Variants in NOC2L observed in about 807,000 individuals in gnomAD.
NOC2L encodes nucleolar complex protein 2 homolog.
NOC2L carries 101 observed loss-of-function variants against 94.2 expected under a neutral mutation model. The ratio of observed to expected loss-of-function variants is 1.07; its 90% CI spans 0.91 to 1.26. The LOEUF is 1.26. Ranked by LOEUF, NOC2L falls within the 50% of genes most tolerant of loss-of-function variation. NOC2L has a pLI of 0.00. For missense variants in NOC2L, 1,076 were observed against 980.1 expected, an observed-to-expected ratio of 1.10 and a Z score of -1.31; for synonymous variants, 531 against 413.4, an observed-to-expected ratio of 1.28 and a Z score of -3.45.
rs1325918911 is a variant in NOC2L at position 944,541 on chromosome 1, G to A, written c.*153C>T. 2 of 626,234 alleles carry A rather than the reference G, an allele frequency of 3.2e-6. No individual in the cohort carries two copies. The highest frequency in any genetic ancestry group is 5.4e-6 in the Non-Finnish European group (2 of 369,082). The allele number at this position is 626,234 out of a possible 1,614,324, so 38.8% of individuals were successfully genotyped here. A position where few individuals can be genotyped will look rare whatever the true frequency, so the allele number is the denominator to read the frequency against. ...CCCAGCCCAGCTCTCGATACGTTTG[G>A]TCTTTCATGCTGAAAAATAAATAAT... On this transcript the variant is annotated 3_prime_UTR_variant, in exon 19 of 19. Transcript: ENST00000327044.
chr1:958,435 A>C, intron 2 of NOC2L: 3 of 328,050 alleles, frequency 9.1e-6, no homozygotes, highest in Non-Finnish European at 1.8e-5. Flanking sequence ...TTTTTAGTAG[A>C]GACATGATTT....
intron 17 of NOC2L, 179 bp downstream of exon 17, chr1:945,339 T>C: frequency 2.1e-6 from 2 of 967,566 alleles, no homozygotes; most frequent in Non-Finnish European, 3.0e-6. Context: ...CAGTAGGCCT[T>C]CACTTCAAGG....
At chr1:954,658 C>A (rs1642353443) in intron 6 of NOC2L, 1 of 152,390 alleles carries the variant, frequency 6.6e-6, no homozygotes, top group African/African-American at 2.4e-5. Flanking sequence ...CACAGTGAGA[C>A]CCCGTCTCTA....
chr1:951,062 G>C (rs561902054), intron 12 of NOC2L, 65 bp downstream of exon 12: 10 of 1,279,282 alleles, frequency 7.8e-6, no homozygotes, highest in Non-Finnish European at 1.1e-5. Flanking sequence ...ACAGACGCCC[G>C]GAGCAGCAGA....
intron 12 of NOC2L, among the ~76,000 whole-genome samples, chr1:950,632 CAT>C (rs1347183038): frequency 1.6e-4 from 25 of 151,536 alleles, no homozygotes; most frequent in South Asian, 4.2e-4. Flanking sequence ...TGCATACACA[CAT>C]ACAGATGCAC....
At chr1:948,430 C>T (rs1229948270) in intron 13 of NOC2L, 60 bp downstream of exon 13, 1 of 1,324,736 alleles carries the variant, frequency 7.5e-7, no homozygotes, top group East Asian at 2.3e-5. Flanking sequence ...CCATCCACCT[C>T]AGCACCCCCA....
chr1:956,283 G>A (rs1642399784), intron 4 of NOC2L, 68 bp from the exon 5 acceptor site: 3 of 1,590,746 alleles, frequency 1.9e-6, no homozygotes, highest in Admixed American at 3.4e-5. Context: ...GGAAACGGCA[G>A]CCCCAGAGAA....
rs1557623173 is a variant in NOC2L, at chr1:956,992, CT to C, written c.387del (p.Gly130GlufsTer11). 6.2e-7 allele frequency: 1 copy of C among 1,614,112 alleles called. No individual in the cohort carries two copies. ...EASEEEDGAEEGEDGDRVPRG... is the reference protein window; with the variant it reads ...EASEEEDGAEXGEDGDRVPRG... ...CTGGGGACTCTGTCCCCATCTTCTC[CT>C]TCCTCCGCTCCATCCTCCTCCTCAC... On this transcript the variant is annotated frameshift_variant, in exon 4 of 19. Transcript: ENST00000327044. LOFTEE classifies it high-confidence loss of function.
chr1:946,025 T>G, intron 16 of NOC2L, 148 bp downstream of exon 16: 1 of 652,898 alleles, frequency 1.5e-6, no homozygotes, highest in Non-Finnish European at 2.6e-6. Flanking sequence ...CTCCAACACC[T>G]ACCCCCTCTC....
chr1:954,451 T>G, intron 6 of NOC2L: 1 of 223,496 alleles, frequency 4.5e-6, no homozygotes, highest in African/African-American at 2.3e-5. Flanking sequence ...GCCCAGCAGC[T>G]GGTACTCAGC....
chr1:950,306 G>A (rs1569941911), intron 12 of NOC2L, among the ~76,000 whole-genome samples: 2 of 150,938 alleles, frequency 1.3e-5, no homozygotes, highest in African/African-American at 4.9e-5. Context: ...CAGGTACATA[G>A]ATGCACGCAG....
At chr1:951,556 G>T (rs903916441) in intron 11 of NOC2L, among the ~76,000 whole-genome samples, 9 of 152,140 alleles carry the variant, frequency 5.9e-5, no homozygotes, top group African/African-American at 2.2e-4. Context: ...GGCTCAGCCA[G>T]ACAGATGCCC....
chr1:944,795 C>T lies in NOC2L; in HGVS notation c.2149G>A (p.Asp717Asn), dbSNP rs370176089. ...GCCAGCCCCGCCTCTGCGTCTGGGT[C>T]TCCATCTGCGGGGAGAGATGGAGGC... ...EEDSSNSEDG[D>N]PDAEAGLAPG... The change falls in exon 19 of 19, where the codon GAC (aspartate) becomes AAC (asparagine). Residue 717 changes from aspartate to asparagine, a missense_variant. Coordinates refer to ENST00000327044, the MANE Select transcript of NOC2L (RefSeq NM_015658.4). 194 of 1,583,964 alleles carry T rather than the reference C, an allele frequency of 1.2e-4. No homozygotes were observed. The South Asian group carries it at 2.0e-3, about 17-fold the overall frequency.
rs773244689 is a variant in NOC2L, at chr1:945,591, GTCC to G, written c.1977_1979del (p.Glu659del). 4.6e-5 allele frequency: 74 copies of G among 1,614,110 alleles called. No individual in the cohort carries two copies. The highest frequency in any genetic ancestry group is 3.7e-4 in the African/African-American group (28 of 75,034). On this transcript the variant is annotated inframe_deletion, in exon 17 of 19. Coordinates refer to ENST00000327044, the MANE Select transcript of NOC2L (RefSeq NM_015658.4). The stretch of plus-strand genomic sequence containing the variant: ...CAAAGAGGTCTTTAAATTGCTTCCT[GTCC>G]TCATCCTTCCTGTCAGCCATCTTCC...
chr1:946,357 C>G lies in NOC2L; in HGVS notation c.1803+45G>C, dbSNP rs771518560. ...CCCCCACATGTAGCTGGGGCTATAC[C>G]CTGGCAGGTGCCCTCAGGTGGCACT... On this transcript the variant is annotated intron_variant, in intron 15 of 18. Coordinates refer to ENST00000327044, the MANE Select transcript of NOC2L (RefSeq NM_015658.4). The G allele has an allele frequency of 3.1e-6, 5 of 1,613,224 alleles. No individual in the cohort carries two copies. The East Asian group carries it at 1.1e-4, about 36-fold the overall frequency.
In NOC2L at chr1:959,009, TTCGGAC is replaced by T. The variant is rs1304591117; in HGVS notation, c.93_98del (p.Ser32_Glu33del). 6.2e-7 allele frequency: 1 copy of T among 1,612,508 alleles called. No homozygotes were observed. The highest frequency in any genetic ancestry group is 1.7e-5 in the Admixed American group (1 of 60,020). ...CCCGTGTCTCCGCTTGTGGAGAATT[TTCGGAC>T]TCGGATTCGGACTCGGAGTCAAAGC... On this transcript the variant is annotated inframe_deletion, in exon 2 of 19. Transcript: ENST00000327044.
chr1:944,979 C>T (rs1304268239), intron 18 of NOC2L, 78 bp downstream of exon 18: 27 of 1,599,882 alleles, frequency 1.7e-5, no homozygotes, highest in South Asian at 8.9e-5. Flanking sequence ...CAGAGCCCCA[C>T]GCCCCCCGCC....
Position 948,622 on chromosome 1 carries a change from C to T in NOC2L, c.1444-19G>A. ...GGAACATCTGCCCCAAGGGCCGTGT[C>T]AGGCTCTCTCGGCCCCATGCCTGGT... On this transcript the variant is annotated intron_variant, in intron 12 of 18. Transcript: ENST00000327044. The T allele has an allele frequency of 6.3e-7, 1 of 1,586,044 alleles. No individual in the cohort carries two copies. The highest frequency in any genetic ancestry group is 1.3e-5 in the African/African-American group (1 of 74,480).
intron 17 of NOC2L, 46 bp downstream of exon 17, chr1:945,472 G>A (rs775750478): frequency 3.7e-6 from 6 of 1,607,208 alleles, no homozygotes; most frequent in Non-Finnish European, 5.1e-6. Context: ...GTCCAGCAGA[G>A]CCCTCCAGGC....
Sources: allele counts gnomAD v4.1 joint callset (sites outside exome capture counted in the v4.1 genomes callset), GRCh38; gene constraint gnomAD v4.1.1; transcripts MANE v1.5; gene names NCBI Gene and HGNC (gene_info 2026-07-23, HGNC 2026-07-21).